Variants in SMIM14 observed in about 807,000 individuals in gnomAD.
The protein encoded by SMIM14 is small integral membrane protein 14, also known as chromosome 4 open reading frame 34.
SMIM14 carries 5 observed loss-of-function variants against 12.6 expected under a neutral mutation model. The ratio of observed to expected loss-of-function variants is 0.40; its 90% CI spans 0.21 to 0.83. SMIM14 has a LOEUF of 0.83. SMIM14 is among the 40% of genes least tolerant of loss of function. SMIM14 has a pLI of 0.37. For synonymous variants in SMIM14, 30 were observed against 40.1 expected, an observed-to-expected ratio of 0.75 and a Z score of 0.95; for missense variants, 86 against 119.1, an observed-to-expected ratio of 0.72 and a Z score of 1.29.
intron 1 of SMIM14, among the ~76,000 whole-genome samples, chr4:39,631,126 G>A (rs970731520): frequency 2.0e-5 from 3 of 151,976 alleles, no homozygotes; most frequent in Admixed American, 2.0e-4. Flanking sequence ...GAGGTCAGGA[G>A]TTCGACACCA....
intron 1 of SMIM14, among the ~76,000 whole-genome samples, chr4:39,622,347 G>T (rs1227545999): frequency 6.6e-6 from 1 of 152,114 alleles, no homozygotes; most frequent in Non-Finnish European, 1.5e-5. Context: ...CTCCCAAAGT[G>T]CTGGGATTAC....
intron 2 of SMIM14, among the ~76,000 whole-genome samples, chr4:39,576,708 T>A (rs1442491946): frequency 6.5e-4 from 46 of 70,952 alleles, no homozygotes; most frequent in African/African-American, 2.1e-3. Context: ...TTTTTTTTTT[T>A]TTTTTTTTTT....
chr4:39,593,103 A>C (rs1239658680), intron 2 of SMIM14: 1 of 151,926 alleles, frequency 6.6e-6, no homozygotes, highest in Non-Finnish European at 1.5e-5. Flanking sequence ...ACAACCAAAA[A>C]AGAGAATTTT....
At position 39,605,136 on chromosome 4, in the gene SMIM14, C is replaced by G; in HGVS notation, c.10G>C (p.Gly4Arg). The G allele has an allele frequency of 1.9e-6, 3 of 1,604,972 alleles. No individual in the cohort carries two copies. Among genetic ancestry groups the G allele is most frequent in the Non-Finnish European group, 1.7e-6 (2 of 1,178,268 alleles). Reference protein sequence around the residue: MAEGGFDPCECVCS... With the variant: MAERGFDPCECVCS... ...ACACATTCACAGGGATCAAATCCAC[C>G]TTCTGCCATGATTACCCAGCTTGAT... The change falls in exon 2 of 5, where the codon GGT becomes CGT. Residue 4 changes from glycine (G) to arginine (R), a missense_variant. Coordinates refer to ENST00000295958, the MANE Select transcript of SMIM14 (RefSeq NM_174921.3).
intron 1 of SMIM14, among the ~76,000 whole-genome samples, chr4:39,615,995 T>C (rs1307091570): frequency 2.6e-5 from 4 of 152,228 alleles, no homozygotes; most frequent in East Asian, 1.9e-4. Flanking sequence ...AAACATACTA[T>C]GTAGTAACAT....
intron 2 of SMIM14, among the ~76,000 whole-genome samples, chr4:39,601,583 C>T (rs145202396): frequency 1.5e-3 from 226 of 152,240 alleles, no homozygotes; most frequent in African/African-American, 5.3e-3. Flanking sequence ...TGGGAGTTAA[C>T]TTAGAGTTCT....
chr4:39,594,245 G>A (rs1158415094), intron 2 of SMIM14: 4 of 152,090 alleles, frequency 2.6e-5, no homozygotes, highest in African/African-American at 9.7e-5. Flanking sequence ...CGGAAATAAC[G>A]CCGCATATCT....
chr4:39,600,414 G>A (rs1457786580), intron 2 of SMIM14, among the ~76,000 whole-genome samples: 3 of 152,064 alleles, frequency 2.0e-5, no homozygotes, highest in Non-Finnish European at 4.4e-5. Context: ...AAAGGGCCGG[G>A]TGTGGTGGCT....
At chr4:39,554,607 CA>C (rs1201586206) in intron 4 of SMIM14, among the ~76,000 whole-genome samples, 14 of 89,680 alleles carry the variant, frequency 1.6e-4, no homozygotes, top group South Asian at 7.5e-4. Context: ...GACTCCATCT[CA>C]AAAAAAAAAA....
chr4:39,560,598 A>C (rs1712254872), intron 3 of SMIM14, among the ~76,000 whole-genome samples: 1 of 148,656 alleles, frequency 6.7e-6, no homozygotes, highest in South Asian at 2.3e-4. Flanking sequence ...GTGAGCTGAG[A>C]TCGCGCCACT....
intron 3 of SMIM14, among the ~76,000 whole-genome samples, chr4:39,560,873 C>T (rs1712275815): frequency 6.6e-6 from 1 of 151,832 alleles, no homozygotes; most frequent in African/African-American, 2.4e-5. Flanking sequence ...TGCAATTTTT[C>T]CTCCTAAATA....
chr4:39,614,630 A>G (rs1382438138), intron 1 of SMIM14, among the ~76,000 whole-genome samples: 2 of 152,146 alleles, frequency 1.3e-5, no homozygotes, highest in East Asian at 3.8e-4. Flanking sequence ...CCCCTATGCT[A>G]CTTTTTAAAA....
intron 1 of SMIM14, among the ~76,000 whole-genome samples, chr4:39,618,572 C>G (rs1715306562): frequency 6.6e-6 from 1 of 151,128 alleles, no homozygotes; most frequent in Admixed American, 6.6e-5. Flanking sequence ...CTTGCTTGAA[C>G]CCAGGAGGCA....
chr4:39,563,170 C>T (rs1712402579), intron 3 of SMIM14, among the ~76,000 whole-genome samples: 1 of 152,108 alleles, frequency 6.6e-6, no homozygotes, highest in Non-Finnish European at 1.5e-5. Flanking sequence ...AAGTGATTCT[C>T]ATGCCTCAGC....
chr4:39,605,101 A>C lies in SMIM14; in HGVS notation c.45T>G (p.His15Gln). Residue 15 changes from histidine to glutamine, a missense_variant, in exon 2 of 5, where the codon CAT becomes CAG. Physicochemically the swap from His to Gln is conservative, Grantham distance 24. Transcript: ENST00000295958. ...GFDPCECVCS[H>Q]EHAMRRLINL... ...TGATCAGTCTTCTCATTGCATGTTCATGAGAGCAAACACATTCACAGGGAT... is the reference window on the plus strand; with the variant it reads ...TGATCAGTCTTCTCATTGCATGTTCCTGAGAGCAAACACATTCACAGGGAT... The C allele has an allele frequency of 6.2e-7, 1 of 1,610,296 alleles. No homozygotes were observed. Among genetic ancestry groups the C allele is most frequent in the Non-Finnish European group, 8.5e-7 (1 of 1,178,864 alleles).
In SMIM14 at chr4:39,546,949, CT is replaced by C. The variant is rs1203627845; in HGVS notation, c.*5176del. On this transcript the variant is annotated 3_prime_UTR_variant, in exon 5 of 5. Transcript: ENST00000295958. ...TTTGGTACAGTGACATGTCTGGTTC[CT>C]TTTGAGCTAGATATATCTGCTTAAA... The C allele has an allele frequency of 6.6e-6, 1 of 152,126 alleles. No homozygotes were observed. The highest frequency in any genetic ancestry group is 1.5e-5 in the Non-Finnish European group (1 of 68,018). 9.4% of individuals were successfully genotyped at this position (152,126 alleles called of 1,614,324 possible). A position where few individuals can be genotyped will look rare whatever the true frequency, so the allele number is the denominator to read the frequency against.
chr4:39,620,845 A>AACAC (rs146912933), intron 1 of SMIM14, among the ~76,000 whole-genome samples: 1 of 151,898 alleles, frequency 6.6e-6, no homozygotes, highest in Non-Finnish European at 1.5e-5. Flanking sequence ...ATGGTGTGCA[A>AACAC]ACACACACAC....
chr4:39,571,606 A>G (rs192992495), intron 3 of SMIM14, among the ~76,000 whole-genome samples: 70 of 151,396 alleles, frequency 4.6e-4, no homozygotes, highest in African/African-American at 1.6e-3. Flanking sequence ...TAAATTAAAG[A>G]AAAAAAAAGA....
At chr4:39,628,921 C>T (rs535107245) in intron 1 of SMIM14, among the ~76,000 whole-genome samples, 1 of 150,560 alleles carries the variant, frequency 6.6e-6, no homozygotes, top group Non-Finnish European at 1.5e-5. Flanking sequence ...TTAGTAGAGA[C>T]GGAGTTTTGC....
Sources: gnomAD v4.1 joint callset for allele counts (sites outside exome capture counted in the v4.1 genomes callset) on GRCh38, gnomAD v4.1.1 for gene constraint, MANE v1.5 for transcripts, NCBI Gene and HGNC (gene_info 2026-07-23, HGNC 2026-07-21) for gene names.